CC2D2A: variants seen among roughly 807,000 people sequenced by gnomAD.
The protein encoded by CC2D2A is coiled-coil and C2 domain containing 2A.
CC2D2A carries 155 observed loss-of-function variants against 212.9 expected under a neutral mutation model. That is an observed-to-expected ratio of 0.73 (90% CI 0.64 to 0.83). The LOEUF is 0.83. Ranked by LOEUF, CC2D2A falls within the 40% of genes least tolerant of loss-of-function variation. The probability of loss-of-function intolerance (pLI) is 0.00; values close to 1 mark genes in which losing one functional copy is unlikely to be tolerated. For missense variants in CC2D2A, 1,856 were observed against 1,956.2 expected (o/e 0.95, Z 0.97); for synonymous variants, 667 against 686.5 (o/e 0.97, Z 0.44).
chr4:15,574,828 C>A (rs570622674), intron 29 of CC2D2A, among the ~76,000 whole-genome samples: 2 of 152,302 alleles, frequency 1.3e-5, no homozygotes, highest in African/African-American at 4.8e-5. Flanking sequence ...AATATATGTA[C>A]AAGTATGCTT....
intron 20 of CC2D2A, among the ~76,000 whole-genome samples, chr4:15,555,841 A>G (rs1426362170): frequency 3.3e-5 from 5 of 152,192 alleles, no homozygotes. Flanking sequence ...TAAAACTCCT[A>G]AAGGTTTTAT....
intron 30 of CC2D2A, among the ~76,000 whole-genome samples, chr4:15,582,554 G>A (rs973452120): frequency 2.7e-5 from 4 of 150,666 alleles, no homozygotes; most frequent in Non-Finnish European, 5.9e-5. Flanking sequence ...AGGATTATAA[G>A]AGACTTATTT....
At chr4:15,574,433 T>C (rs1461491966) in intron 29 of CC2D2A, 107 bp downstream of exon 29, 1 of 750,938 alleles carries the variant, frequency 1.3e-6, no homozygotes, top group Non-Finnish European at 2.0e-6. Flanking sequence ...GAGCCTTCCT[T>C]ACTTCAATCT....
chr4:15,511,722 T>C (rs560031515), intron 8 of CC2D2A: 1 of 180,924 alleles, frequency 5.5e-6, no homozygotes, highest in South Asian at 1.8e-4. Flanking sequence ...ATGATTAGTA[T>C]TTATTCCATG....
intron 35 of CC2D2A, among the ~76,000 whole-genome samples, chr4:15,598,651 AATG>A (rs1721433084): frequency 6.6e-6 from 1 of 152,190 alleles, no homozygotes; most frequent in Admixed American, 6.5e-5. Context: ...AAACAGTTTC[AATG>A]ATGTTGGTAT....
intron 33 of CC2D2A, among the ~76,000 whole-genome samples, chr4:15,593,862 C>T (rs1217569351): frequency 6.6e-6 from 1 of 152,178 alleles, no homozygotes; most frequent in Non-Finnish European, 1.5e-5. Context: ...ACCATTTAAC[C>T]CTACCTTCTT....
intron 18 of CC2D2A, among the ~76,000 whole-genome samples, chr4:15,551,396 A>G (rs73125616): frequency 0.21 from 31,318 of 152,108 alleles, 3,497 homozygotes; most frequent in Non-Finnish European, 0.25. Flanking sequence ...ATCTCCTTCT[A>G]TAATTCCGAT....
In CC2D2A at chr4:15,515,876, T is replaced by C. The variant is rs2109012755; in HGVS notation, c.889T>C (p.Tyr297His). Residue 297 changes from tyrosine (Y) to histidine (H), a missense_variant, in exon 10 of 37, where the codon TAT (tyrosine) becomes CAT (histidine). Tyr to His is a moderately conservative substitution (Grantham distance 83). This residue lies in a region of CC2D2A where 1,512 missense variants were observed against 1,579.3 expected (regional missense o/e 0.96). Coordinates refer to ENST00000424120, the MANE Select transcript of CC2D2A (RefSeq NM_001378615.1). The stretch of plus-strand genomic sequence containing the variant: ...ATTTATAAACGATCTAGTCCCTACA[T>C]ATAAAAAGCTTCCTGAGAATGTACA... ...FIPSRQTVPTYKKLPENVQPR... is the reference protein window; with the variant it reads ...FIPSRQTVPTHKKLPENVQPR... 6.4e-7 allele frequency: 1 copy of C among 1,551,820 alleles called. No homozygotes were observed. Among genetic ancestry groups the C allele is most frequent in the Non-Finnish European group, 8.7e-7 (1 of 1,147,028 alleles).
At chr4:15,478,998 T>C (rs758421113) in intron 3 of CC2D2A, among the ~76,000 whole-genome samples, 192 bp downstream of exon 3, 2 of 152,208 alleles carry the variant, frequency 1.3e-5, no homozygotes, top group South Asian at 2.1e-4. Flanking sequence ...CAGAGACTTA[T>C]AGATGAGCCT....
chr4:15,490,696 A>G (rs1181760172), intron 4 of CC2D2A, among the ~76,000 whole-genome samples: 1 of 152,080 alleles, frequency 6.6e-6, no homozygotes, highest in African/African-American at 2.4e-5. Context: ...TACCCCTCAT[A>G]TTGTCTTATG....
At chr4:15,504,901 C>T (rs377006419) in intron 6 of CC2D2A, among the ~76,000 whole-genome samples, 4 of 152,258 alleles carry the variant, frequency 2.6e-5, no homozygotes, top group South Asian at 4.1e-4. Context: ...AAAAATATAG[C>T]ACATGAAGAG....
chr4:15,559,071 A>G, intron 21 of CC2D2A, 94 bp from the exon 22 acceptor site: 1 of 802,474 alleles, frequency 1.2e-6, no homozygotes, highest in South Asian at 1.7e-5. Context: ...TAAAACCACA[A>G]GTTATAACTT....
chr4:15,535,608 G>A (rs928931075), intron 14 of CC2D2A, among the ~76,000 whole-genome samples: 5 of 152,086 alleles, frequency 3.3e-5, no homozygotes, highest in African/African-American at 1.2e-4. Flanking sequence ...TATCAGAGAT[G>A]GAACATAATT....
At position 15,502,421 on chromosome 4, in the gene CC2D2A, T is replaced by C. The variant is rs755438390; in HGVS notation, c.248-8T>C. On this transcript the variant is annotated splice_polypyrimidine_tract_variant and splice_region_variant and intron_variant, in intron 4 of 36. Coordinates refer to ENST00000424120, the MANE Select transcript of CC2D2A (RefSeq NM_001378615.1). ...TTATTTTGTTTTGTTTTTGTTTTTG[T>C]TTTTTAGGCTTACCTCCAATTCCTT... is the stretch of plus-strand genomic sequence containing the variant. 22 of 1,583,920 alleles carry C rather than the reference T, an allele frequency of 1.4e-5. No homozygotes were observed. In the South Asian group the frequency reaches 2.4e-4, roughly 17 times the overall value.
At chr4:15,504,840 C>T (rs908513333) in intron 6 of CC2D2A, among the ~76,000 whole-genome samples, 3 of 152,146 alleles carry the variant, frequency 2.0e-5, no homozygotes, top group Non-Finnish European at 2.9e-5. Context: ...CATGTATATA[C>T]CTCAAATCCA....
At chr4:15,588,266 T>C (rs905382176) in intron 32 of CC2D2A, among the ~76,000 whole-genome samples, 2 of 152,166 alleles carry the variant, frequency 1.3e-5, no homozygotes, top group African/African-American at 4.8e-5. Flanking sequence ...GTAGTCTTCA[T>C]GCTTTGCAAT....
chr4:15,480,968 A>G (rs763544042), intron 4 of CC2D2A, 141 bp downstream of exon 4: 2 of 971,486 alleles, frequency 2.1e-6, no homozygotes, highest in Admixed American at 5.5e-5. Context: ...CAACTTGGTG[A>G]GTGACTCTAG....
chr4:15,567,289 C>T (rs1352922884), intron 24 of CC2D2A, 88 bp from the exon 25 acceptor site: 4 of 1,005,182 alleles, frequency 4.0e-6, no homozygotes, highest in African/African-American at 3.2e-5. Context: ...CAGAGTGAGA[C>T]CCTATCTCAA....
At chr4:15,482,626 C>G (rs1714754786) in intron 4 of CC2D2A, among the ~76,000 whole-genome samples, 1 of 152,102 alleles carries the variant, frequency 6.6e-6, no homozygotes, top group African/African-American at 2.4e-5. Context: ...TTAATTACCT[C>G]CTACAGGTTC....
Sources: allele counts gnomAD v4.1 joint callset (sites outside exome capture counted in the v4.1 genomes callset), GRCh38; gene constraint gnomAD v4.1.1; regional missense constraint gnomAD v4.1.1; transcripts MANE v1.5; gene names NCBI Gene and HGNC (gene_info 2026-07-23, HGNC 2026-07-21).